Variants in MAP4K5 observed in about 807,000 individuals in gnomAD.
MAP4K5 encodes mitogen-activated protein kinase kinase kinase kinase 5, also known as MAPK/ERK kinase kinase kinase 5.
Under a neutral mutation model 135.6 loss-of-function variants are expected in MAP4K5, and 82 were observed. That is an observed-to-expected ratio of 0.60 (90% CI 0.51 to 0.73). The LOEUF is 0.73. Among genes scored for constraint, MAP4K5 ranks in the 30% least tolerant of loss-of-function variants. MAP4K5 has a pLI of 0.00. For missense variants in MAP4K5, 907 were observed against 1,010.9 expected, an observed-to-expected ratio of 0.90 and a Z score of 1.39; for synonymous variants, 347 against 335.0, an observed-to-expected ratio of 1.04 and a Z score of -0.39.
At chr14:50,469,980 A>G (rs1471770382) in intron 9 of MAP4K5, among the ~76,000 whole-genome samples, 1 of 152,244 alleles carries the variant, frequency 6.6e-6, no homozygotes. Context: ...AAATGTGAAC[A>G]TGTAGATGTG....
chr14:50,468,407 T>A, intron 10 of MAP4K5: 1 of 434,298 alleles, frequency 2.3e-6, no homozygotes, highest in South Asian at 4.6e-5. Flanking sequence ...TAAAGACTAG[T>A]CAAGTACAGT....
intron 28 of MAP4K5, among the ~76,000 whole-genome samples, chr14:50,432,938 T>C (rs901765763): frequency 1.3e-5 from 2 of 152,070 alleles, no homozygotes; most frequent in African/African-American, 4.8e-5. Flanking sequence ...TCCAGGTTCA[T>C]GCGATTCTCC....
intron 2 of MAP4K5, among the ~76,000 whole-genome samples, chr14:50,526,851 GAGATTCCCCATAGC>G (rs1259885588): frequency 6.6e-6 from 1 of 152,166 alleles, no homozygotes; most frequent in African/African-American, 2.4e-5. Flanking sequence ...ATACATAAAG[GAGATTCCCCATAGC>G]AGACCTAATT....
intron 14 of MAP4K5, chr14:50,456,301 A>T: frequency 1.9e-6 from 1 of 515,694 alleles, no homozygotes; most frequent in Non-Finnish European, 3.4e-6. Flanking sequence ...AGCAATGGGC[A>T]TGATTTTGTC....
chr14:50,513,632 T>C (rs1455721269), intron 2 of MAP4K5, among the ~76,000 whole-genome samples: 1 of 151,006 alleles, frequency 6.6e-6, no homozygotes, highest in Non-Finnish European at 1.5e-5. Context: ...CTAAAAGCTA[T>C]GGCAACCAAG....
intron 11 of MAP4K5, among the ~76,000 whole-genome samples, chr14:50,465,923 A>G (rs1055353192): frequency 1.3e-5 from 2 of 152,136 alleles, no homozygotes; most frequent in Non-Finnish European, 2.9e-5. Context: ...AAAATACAAA[A>G]ATTAGCTTGG....
chr14:50,434,721 T>G (rs2036051355), intron 27 of MAP4K5, 150 bp from the exon 28 acceptor site: 6 of 789,558 alleles, frequency 7.6e-6, no homozygotes, highest in Non-Finnish European at 1.2e-5. Context: ...AGGATGAATG[T>G]TCTATAAAAA....
At chr14:50,541,003 T>A (rs1297507125) in intron 2 of MAP4K5, among the ~76,000 whole-genome samples, 1 of 152,252 alleles carries the variant, frequency 6.6e-6, no homozygotes, top group Admixed American at 6.5e-5. Context: ...ATGTTGATGC[T>A]AGTCATAGTT....
intron 28 of MAP4K5, among the ~76,000 whole-genome samples, chr14:50,430,201 T>A (rs1221999770): frequency 6.6e-6 from 1 of 152,316 alleles, no homozygotes; most frequent in African/African-American, 2.4e-5. Context: ...GTTGCTCCAT[T>A]AGAAGTACTT....
chr14:50,541,506 A>G (rs2038559476), intron 2 of MAP4K5, among the ~76,000 whole-genome samples: 1 of 152,202 alleles, frequency 6.6e-6, no homozygotes, highest in Non-Finnish European at 1.5e-5. Flanking sequence ...GAGACAATGT[A>G]CTGCATTTGC....
intron 28 of MAP4K5, among the ~76,000 whole-genome samples, chr14:50,432,901 G>C (rs369808193): frequency 6.6e-6 from 1 of 152,008 alleles, no homozygotes; most frequent in Non-Finnish European, 1.5e-5. Context: ...GCAATGGTGC[G>C]ATCTTGGCTC....
intron 13 of MAP4K5, among the ~76,000 whole-genome samples, chr14:50,460,314 A>G (rs778580728): frequency 3.3e-5 from 5 of 151,372 alleles, no homozygotes; most frequent in African/African-American, 4.9e-5. Context: ...CTCATATACC[A>G]TTGTGCCCCC....
At chr14:50,548,432 T>C (rs1387873843) in intron 1 of MAP4K5, among the ~76,000 whole-genome samples, 1 of 152,162 alleles carries the variant, frequency 6.6e-6, no homozygotes, top group Non-Finnish European at 1.5e-5. Flanking sequence ...TAGAAGTCAC[T>C]AGAGATGCCA....
At chr14:50,502,973 T>C (rs1486510327) in intron 3 of MAP4K5, among the ~76,000 whole-genome samples, 2 of 151,798 alleles carry the variant, frequency 1.3e-5, no homozygotes, top group Non-Finnish European at 2.9e-5. Context: ...TGGAAGAAAT[T>C]ACAGTTCAAA....
At chr14:50,536,835 A>G (rs1206192727), upstream of MAP4K5, among the ~76,000 whole-genome samples, 1 of 152,234 alleles carries the variant, frequency 6.6e-6, no homozygotes, top group Non-Finnish European at 1.5e-5. Flanking sequence ...TAAGCAGCAA[A>G]GCATTCAAGA....
chr14:50,526,446 C>T (rs2038267222), intron 2 of MAP4K5, among the ~76,000 whole-genome samples: 1 of 152,196 alleles, frequency 6.6e-6, no homozygotes, highest in Non-Finnish European at 1.5e-5. Flanking sequence ...TAGGCACCTG[C>T]CACCATGCCC....
chr14:50,440,221 A>G, intron 22 of MAP4K5, 141 bp downstream of exon 22: 1 of 778,740 alleles, frequency 1.3e-6, no homozygotes. Flanking sequence ...CAACATGAAC[A>G]TGCAAAGAGT....
intron 2 of MAP4K5, among the ~76,000 whole-genome samples, chr14:50,514,940 G>C (rs1262380374): frequency 6.8e-6 from 1 of 146,834 alleles, no homozygotes; most frequent in African/African-American, 2.5e-5. Flanking sequence ...GTCTCGCTCT[G>C]TCGCCCAGGC....
chr14:50,492,332 G>T (rs542122787), intron 3 of MAP4K5, among the ~76,000 whole-genome samples: 1 of 151,918 alleles, frequency 6.6e-6, no homozygotes, highest in African/African-American at 2.4e-5. Flanking sequence ...AGAGGCTCAC[G>T]CATAATCCCA....
Sources: allele counts gnomAD v4.1 joint callset (sites outside exome capture counted in the v4.1 genomes callset), GRCh38; gene constraint gnomAD v4.1.1; transcripts MANE v1.5; gene names NCBI Gene and HGNC (gene_info 2026-07-23, HGNC 2026-07-21).